The following OR3A2 variants were observed in gnomAD, a reference collection of about 807,000 sequenced individuals.
The protein encoded by OR3A2 is olfactory receptor 3A2.
For missense variants in OR3A2, 318 were observed against 392.8 expected (o/e 0.81, Z 1.61); for synonymous variants, 126 against 159.3 (o/e 0.79, Z 1.57).
intron 3 of OR3A2, among the ~76,000 whole-genome samples, chr17:3,325,111 A>G (rs926750722): frequency 2.7e-5 from 4 of 149,790 alleles, no homozygotes; most frequent in Admixed American, 6.6e-5. Flanking sequence ...TATGTTTTAT[A>G]CTTTCATATT....
intron 2 of OR3A2, among the ~76,000 whole-genome samples, chr17:3,348,746 A>C (rs2049392210): frequency 1.3e-5 from 2 of 152,144 alleles, no homozygotes. Flanking sequence ...ACCAAAGTTG[A>C]AATGAAGGAA....
intron 2 of OR3A2, among the ~76,000 whole-genome samples, chr17:3,343,274 A>C (rs949699100): frequency 1.3e-5 from 2 of 152,158 alleles, no homozygotes; most frequent in African/African-American, 4.8e-5. Flanking sequence ...CCACTGTCCA[A>C]CCAGTTCCAA....
intron 2 of OR3A2, among the ~76,000 whole-genome samples, chr17:3,374,438 C>T (rs1425436708): frequency 6.6e-6 from 1 of 152,148 alleles, no homozygotes; most frequent in East Asian, 1.9e-4. Context: ...ACCAATTATT[C>T]TTATGTTTGG....
At chr17:3,281,938 C>T (rs1402805182) in intron 1 of OR3A2, among the ~76,000 whole-genome samples, 2 of 152,138 alleles carry the variant, frequency 1.3e-5, no homozygotes, top group Non-Finnish European at 2.9e-5. Flanking sequence ...GTTTCCTTAG[C>T]GCCTCCCAGG....
At chr17:3,284,776 C>T (rs974849690), upstream of OR3A2, among the ~76,000 whole-genome samples, 4 of 142,474 alleles carry the variant, frequency 2.8e-5, no homozygotes, top group Non-Finnish European at 6.0e-5. Context: ...CTCAAAGTCC[C>T]CCAGGAAGGG....
chr17:3,352,973 T>C (rs1021567288), intron 2 of OR3A2, among the ~76,000 whole-genome samples: 1 of 151,512 alleles, frequency 6.6e-6, no homozygotes, highest in African/African-American at 2.4e-5. Context: ...TTGGGTTAAT[T>C]CCTAGGTATT....
intron 3 of OR3A2, among the ~76,000 whole-genome samples, chr17:3,303,384 G>A (rs2048979008): frequency 6.6e-6 from 1 of 152,028 alleles, no homozygotes; most frequent in African/African-American, 2.4e-5. Flanking sequence ...AAGTGAAAAG[G>A]CAAGCTACAA....
chr17:3,365,179 C>T (rs2049552155), intron 2 of OR3A2, among the ~76,000 whole-genome samples: 1 of 152,084 alleles, frequency 6.6e-6, no homozygotes, highest in African/African-American at 2.4e-5. Context: ...ACAATTCACT[C>T]TACAAAAATT....
At chr17:3,362,371 C>T (rs534360533) in intron 2 of OR3A2, among the ~76,000 whole-genome samples, 4 of 151,654 alleles carry the variant, frequency 2.6e-5, no homozygotes, top group Non-Finnish European at 5.9e-5. Context: ...AAAACCAGCT[C>T]CTGGATTCAC....
At chr17:3,321,278 G>A (rs2049119578) in intron 3 of OR3A2, among the ~76,000 whole-genome samples, 1 of 151,890 alleles carries the variant, frequency 6.6e-6, no homozygotes. Context: ...GGAGATTTTG[G>A]GCTGAGACAA....
upstream of OR3A2, among the ~76,000 whole-genome samples, chr17:3,286,646 T>C (rs1412267911): frequency 6.6e-6 from 1 of 152,158 alleles, no homozygotes; most frequent in African/African-American, 2.4e-5. Flanking sequence ...TATCTCATTG[T>C]GGTTTTGATT....
intron 2 of OR3A2, among the ~76,000 whole-genome samples, chr17:3,356,599 C>G (rs1884884158): frequency 6.6e-6 from 1 of 151,212 alleles, no homozygotes; most frequent in Non-Finnish European, 1.5e-5. Flanking sequence ...AATGAGATAA[C>G]TTTGAGGATT....
At chr17:3,359,436 C>A (rs1483264708) in intron 2 of OR3A2, among the ~76,000 whole-genome samples, 2 of 151,698 alleles carry the variant, frequency 1.3e-5, no homozygotes, top group African/African-American at 4.9e-5. Flanking sequence ...ATATTTAGTG[C>A]TCATTTCAAG....
intron 2 of OR3A2, among the ~76,000 whole-genome samples, chr17:3,352,172 G>C (rs2049425143): frequency 6.6e-6 from 1 of 151,928 alleles, no homozygotes; most frequent in South Asian, 2.1e-4. Flanking sequence ...CAGATGGGTA[G>C]TTTGCAAATA....
At chr17:3,356,320 A>G (rs987743763) in intron 2 of OR3A2, among the ~76,000 whole-genome samples, 1 of 151,530 alleles carries the variant, frequency 6.6e-6, no homozygotes, top group Non-Finnish European at 1.5e-5. Flanking sequence ...TACTATTACC[A>G]GTCAGTTTTG....
At chr17:3,298,969 A>T (rs2048942304) in intron 3 of OR3A2, among the ~76,000 whole-genome samples, 2 of 152,188 alleles carry the variant, frequency 1.3e-5, no homozygotes, top group Admixed American at 6.5e-5. Flanking sequence ...GCTTTTAATG[A>T]ACCCAATAAT....
chr17:3,319,901 G>A (rs532701968), intron 3 of OR3A2, among the ~76,000 whole-genome samples: 27 of 152,280 alleles, frequency 1.8e-4, no homozygotes, highest in Admixed American at 1.6e-3. Flanking sequence ...CCAGTCATGG[G>A]ATGGCTGGGT....
At position 3,341,633 on chromosome 17, in the gene OR3A2, A is replaced by G. The variant is rs531395220; in HGVS notation, c.-178-5507T>C. Reference sequence around the variant, plus strand: ...TTGTAGAGTTTCTGCTGAGAGATCCACTGTTAGTCTGATGGGCTTCCCTTT... The same window carrying G: ...TTGTAGAGTTTCTGCTGAGAGATCCGCTGTTAGTCTGATGGGCTTCCCTTT... On this transcript the variant is annotated intron_variant, in intron 2 of 4. Transcript: ENST00000573491. 2.2e-4 allele frequency among the ~76,000 whole-genome samples: 34 copies of G among 151,902 alleles called. No individual in the cohort carries two copies. The South Asian group carries it at 4.4e-3, about 20-fold the overall frequency.
chr17:3,331,320 G>C (rs1249582315), intron 3 of OR3A2, among the ~76,000 whole-genome samples: 1 of 151,970 alleles, frequency 6.6e-6, no homozygotes, highest in African/African-American at 2.4e-5. Flanking sequence ...TTTCCAACTT[G>C]GTTCCATTCT....
Sources: allele counts gnomAD v4.1 joint callset (sites outside exome capture counted in the v4.1 genomes callset), GRCh38; gene constraint gnomAD v4.1.1; transcripts MANE v1.5; gene names NCBI Gene and HGNC (gene_info 2026-07-23, HGNC 2026-07-21).